The following PDCD6 variants were observed in gnomAD, a reference collection of about 807,000 sequenced individuals.
The protein encoded by PDCD6 is programmed cell death protein 6.
In PDCD6, 12 loss-of-function variants were observed where a neutral mutation model predicts 28.3. The ratio of observed to expected loss-of-function variants is 0.42; its 90% confidence interval spans 0.27 to 0.69. The LOEUF (loss-of-function observed/expected upper bound fraction) is 0.69, where lower values mean the gene tolerates loss of function less well. Among genes scored for constraint, PDCD6 ranks in the 30% least tolerant of loss-of-function variants. PDCD6 has a pLI of 0.22. For synonymous variants in PDCD6, 92 were observed against 108.0 expected, an observed-to-expected ratio of 0.85 and a Z score of 0.92; for missense variants, 226 against 269.9, an observed-to-expected ratio of 0.84 and a Z score of 1.14.
At chr5:296,957 C>A (rs542819590) in intron 2 of PDCD6, among the ~76,000 whole-genome samples, 19 of 152,300 alleles carry the variant, frequency 1.2e-4, no homozygotes, top group African/African-American at 3.9e-4. Flanking sequence ...ATCTCAAGTT[C>A]TCTGGTGCCC....
chr5:311,278 C>A lies in PDCD6; in HGVS notation c.368-15C>A, dbSNP rs1186516161. The stretch of plus-strand genomic sequence containing the variant: ...CTCTCCCAGCCTTCTCTGACTCTGA[C>A]TTTCCCTCTTGAAGGCTACCGGCTC... On this transcript the variant is annotated splice_polypyrimidine_tract_variant and intron_variant, in intron 4 of 5. Coordinates refer to ENST00000264933, the MANE Select transcript of PDCD6 (RefSeq NM_013232.4). The A allele has an allele frequency of 2.5e-6, 4 of 1,605,342 alleles. No individual in the cohort carries two copies. Among genetic ancestry groups the A allele is most frequent in the Non-Finnish European group, 3.4e-6 (4 of 1,172,236 alleles).
At chr5:289,797 TG>T in intron 2 of PDCD6, 2 of 1,125,252 alleles carry the variant, frequency 1.8e-6, no homozygotes, top group Non-Finnish European at 2.7e-6. Flanking sequence ...GTCGATTACG[TG>T]GTCTGGGTGT....
At chr5:296,115 G>A (rs1044054876) in intron 2 of PDCD6, among the ~76,000 whole-genome samples, 37 of 152,124 alleles carry the variant, frequency 2.4e-4, no homozygotes, top group Non-Finnish European at 4.9e-4. Flanking sequence ...ACTCAAATAA[G>A]ACAAATGTCA....
At chr5:276,493 G>A in intron 2 of PDCD6, 1 of 979,726 alleles carries the variant, frequency 1.0e-6, no homozygotes. Context: ...TAGAGATGGA[G>A]TCTCACTGTC....
chr5:296,134 A>T (rs1739594799), intron 2 of PDCD6, among the ~76,000 whole-genome samples: 1 of 152,164 alleles, frequency 6.6e-6, no homozygotes, highest in Non-Finnish European at 1.5e-5. Flanking sequence ...CACTTTCTCA[A>T]GTTTTAAGAC....
At chr5:281,520 G>C (rs1738561285) in intron 2 of PDCD6, among the ~76,000 whole-genome samples, 1 of 152,146 alleles carries the variant, frequency 6.6e-6, no homozygotes, top group Non-Finnish European at 1.5e-5. Context: ...AGATCCAGGT[G>C]GGAGAGGTGT....
intron 4 of PDCD6, chr5:308,715 AGGCTGCACTGGAGCTTGGT>A (rs1168365134): frequency 3.3e-5 from 5 of 152,146 alleles, no homozygotes; most frequent in Admixed American, 2.0e-4. Flanking sequence ...TGAAGCAGGG[AGGCTGCACTGGAGCTTGGT>A]GGCCAGCAGG....
At chr5:309,306 C>A (rs1290119192) in intron 4 of PDCD6, 2 of 155,874 alleles carry the variant, frequency 1.3e-5, no homozygotes, top group Admixed American at 6.5e-5. Context: ...CTTTCATGAA[C>A]AGAAACTCAG....
chr5:302,899 A>C (rs1363022743), intron 2 of PDCD6, among the ~76,000 whole-genome samples: 1 of 126,574 alleles, frequency 7.9e-6, no homozygotes, highest in Admixed American at 7.7e-5. Context: ...TGTATGCCTC[A>C]GGTTCAGGTG....
chr5:302,999 G>A (rs1329599803), intron 2 of PDCD6, among the ~76,000 whole-genome samples: 1 of 152,238 alleles, frequency 6.6e-6, no homozygotes, highest in Non-Finnish European at 1.5e-5. Context: ...TGCTCAGGCG[G>A]AGCAAATGGA....
chr5:295,198 A>G (rs974526485), intron 2 of PDCD6, among the ~76,000 whole-genome samples: 3 of 143,218 alleles, frequency 2.1e-5, no homozygotes, highest in African/African-American at 8.8e-5. Context: ...AAACATATTA[A>G]AAAAAACTCT....
intron 4 of PDCD6, chr5:309,284 CAT>C (rs1347627778): frequency 3.2e-5 from 5 of 155,266 alleles, no homozygotes; most frequent in African/African-American, 1.2e-4. Flanking sequence ...CTGGTGGCCT[CAT>C]GTGGACTGAC....
At position 276,343 on chromosome 5, in the gene PDCD6, C is replaced by T. The variant is rs1237054841; in HGVS notation, c.163+3571C>T. ...CGTGGGGGCTCACGTTTTCATAGTT[C>T]CCTCTCACTACTAGGTTGTGAGCTG... is the stretch of plus-strand genomic sequence containing the variant. On this transcript the variant is annotated intron_variant, in intron 2 of 5. Transcript: ENST00000264933. 4 of 1,076,868 alleles carry T rather than the reference C, an allele frequency of 3.7e-6. No individual in the cohort carries two copies. In the South Asian group the frequency reaches 7.5e-5, roughly 20 times the overall value. 66.7% of individuals were successfully genotyped at this position (1,076,868 alleles called of 1,614,324 possible).
At chr5:287,355 G>A (rs1265139127) in intron 2 of PDCD6, among the ~76,000 whole-genome samples, 2 of 152,144 alleles carry the variant, frequency 1.3e-5, no homozygotes, top group East Asian at 3.9e-4. Flanking sequence ...GACGCCACTT[G>A]AAACTGTACA....
chr5:300,517 G>T (rs540227814), intron 2 of PDCD6, among the ~76,000 whole-genome samples: 1 of 152,352 alleles, frequency 6.6e-6, no homozygotes, highest in African/African-American at 2.4e-5. Context: ...ACCTTGGCAG[G>T]GCTTCAGGGG....
chr5:277,115 C>T lies in PDCD6; in HGVS notation c.163+4343C>T, dbSNP rs192038652. ...TTTAAAAAATAATAATTCTTACATT[C>T]GTTTGAAGGTTTTTTTATGTGTGTT... On this transcript the variant is annotated intron_variant, in intron 2 of 5. Transcript: ENST00000264933. Among the ~76,000 whole-genome samples the T allele has an allele frequency of 8.3e-3, 1,255 of 152,100 alleles. 14 individuals carry two copies. Among genetic ancestry groups the T allele is most frequent in the African/African-American group, 0.025 (1,032 of 41,496 alleles).
chr5:275,714 C>A (rs1459737446), intron 2 of PDCD6, among the ~76,000 whole-genome samples: 1 of 152,236 alleles, frequency 6.6e-6, no homozygotes, highest in East Asian at 1.9e-4. Flanking sequence ...TGGTCCATCT[C>A]ACAGCCTCAG....
intron 2 of PDCD6, chr5:288,964 A>C (rs1739157072): frequency 7.0e-7 from 1 of 1,437,668 alleles, no homozygotes; most frequent in Admixed American, 1.7e-5. Flanking sequence ...CAGTCAGAAG[A>C]ACCACTACTT....
intron 2 of PDCD6, among the ~76,000 whole-genome samples, chr5:295,497 T>C (rs1409698065): frequency 6.8e-6 from 1 of 147,748 alleles, no homozygotes; most frequent in African/African-American, 2.5e-5. Context: ...AATCTCAGGA[T>C]CACAAGGTTG....
Sources: allele counts gnomAD v4.1 joint callset (sites outside exome capture counted in the v4.1 genomes callset), GRCh38; gene constraint gnomAD v4.1.1; transcripts MANE v1.5; gene names NCBI Gene and HGNC (gene_info 2026-07-23, HGNC 2026-07-21).